ERC2: variants seen among roughly 807,000 people sequenced by gnomAD.
ERC2 encodes ERC protein 2.
Under a neutral mutation model 114.8 loss-of-function variants are expected in ERC2, and 42 were observed. The observed-to-expected ratio is 0.37, with a 90% CI of 0.29 to 0.47. The LOEUF (loss-of-function observed/expected upper bound fraction) is 0.47. ERC2 is among the 20% of genes least tolerant of loss of function. The pLI is 0.99. For synonymous variants in ERC2, 454 were observed against 425.5 expected, an observed-to-expected ratio of 1.07 and a Z score of -0.82; for missense variants, 939 against 1,150.7, an observed-to-expected ratio of 0.82 and a Z score of 2.66.
At chr3:55,819,263 T>A (rs2060023910) in intron 14 of ERC2, among the ~76,000 whole-genome samples, 1 of 152,208 alleles carries the variant, frequency 6.6e-6, no homozygotes, top group South Asian at 2.1e-4. Flanking sequence ...TCCCTTGACA[T>A]GGCAAAACCT....
chr3:55,594,534 T>G (rs1481515781), intron 17 of ERC2, among the ~76,000 whole-genome samples: 1 of 151,980 alleles, frequency 6.6e-6, no homozygotes, highest in East Asian at 1.9e-4. Flanking sequence ...CAGGATGGAG[T>G]ATAGTGGCGC....
intron 13 of ERC2, among the ~76,000 whole-genome samples, chr3:55,932,998 C>A (rs1484046238): frequency 6.6e-6 from 1 of 152,130 alleles, no homozygotes; most frequent in African/African-American, 2.4e-5. Context: ...CACTTGAGGT[C>A]AGGAGTTTGA....
chr3:56,461,266 TG>T (rs1311636812), intron 1 of ERC2, among the ~76,000 whole-genome samples: 1 of 152,120 alleles, frequency 6.6e-6, no homozygotes, highest in Non-Finnish European at 1.5e-5. Context: ...TCAAAGATGG[TG>T]TATCAGTAAA....
At chr3:55,747,678 C>T (rs935114899) in intron 14 of ERC2, among the ~76,000 whole-genome samples, 8 of 152,226 alleles carry the variant, frequency 5.3e-5, no homozygotes, top group African/African-American at 1.9e-4. Context: ...AAAGCAAATA[C>T]ATGTGGCCAT....
intron 2 of ERC2, among the ~76,000 whole-genome samples, chr3:56,338,706 A>AGGATACAGT (rs1376282461): frequency 6.6e-6 from 1 of 152,238 alleles, no homozygotes; most frequent in Non-Finnish European, 1.5e-5. Flanking sequence ...ACAAAGTGCC[A>AGGATACAGT]GGATACAGTG....
intron 13 of ERC2, among the ~76,000 whole-genome samples, chr3:55,910,208 G>C (rs2064717287): frequency 6.6e-6 from 1 of 152,010 alleles, no homozygotes; most frequent in African/African-American, 2.4e-5. Flanking sequence ...TGGCCAACAT[G>C]TTGAAACCTG....
intron 17 of ERC2, among the ~76,000 whole-genome samples, chr3:55,675,899 C>CTTTTTTTTTT (rs2061771739): frequency 1.7e-5 from 1 of 58,120 alleles, no homozygotes; most frequent in Non-Finnish European, 3.2e-5. Flanking sequence ...TTTCTCTTTT[C>CTTTTTTTTTT]TTTCTTTTTT....
At chr3:56,412,074 C>T (rs920410094) in intron 2 of ERC2, among the ~76,000 whole-genome samples, 3 of 152,138 alleles carry the variant, frequency 2.0e-5, no homozygotes, top group Admixed American at 2.0e-4. Context: ...TTAGGACAAG[C>T]CCTAAGTCCA....
At chr3:56,005,044 ATTTTAAAC>A (rs1386742133) in intron 10 of ERC2, among the ~76,000 whole-genome samples, 1 of 152,028 alleles carries the variant, frequency 6.6e-6, no homozygotes, top group Non-Finnish European at 1.5e-5. Context: ...CTGAAAAAAT[ATTTTAAAC>A]TTTTGAATTT....
At chr3:55,898,195 C>A (rs2063933723) in intron 13 of ERC2, among the ~76,000 whole-genome samples, 1 of 152,132 alleles carries the variant, frequency 6.6e-6, no homozygotes, top group African/African-American at 2.4e-5. Flanking sequence ...CTCCAAAATG[C>A]CCTTGAGCAC....
chr3:56,138,270 C>T (rs1249870680), intron 6 of ERC2, among the ~76,000 whole-genome samples: 1 of 152,112 alleles, frequency 6.6e-6, no homozygotes, highest in Non-Finnish European at 1.5e-5. Context: ...CCGTGTTTGC[C>T]AGGATGGTCT....
rs545997529 is a variant in ERC2 at position 56,006,941 on chromosome 3, GCTA to G, written c.2061+237_2061+239del. Among the ~76,000 whole-genome samples, 69 of 152,056 alleles carry G rather than the reference GCTA, an allele frequency of 4.5e-4. 1 individual carries two copies. The South Asian group carries it at 0.014, about 31-fold the overall frequency. ...GGTTTTTATAATATTTTTAACTTCT[GCTA>G]CTATTTTGATCTATTTTTCAAGTTT... On this transcript the variant is annotated intron_variant, in intron 10 of 17. Coordinates refer to ENST00000288221, the MANE Select transcript of ERC2 (RefSeq NM_015576.3).
At chr3:55,953,943 A>G (rs975067318) in intron 12 of ERC2, among the ~76,000 whole-genome samples, 1 of 152,088 alleles carries the variant, frequency 6.6e-6, no homozygotes, top group African/African-American at 2.4e-5. Flanking sequence ...AAATGTCTCC[A>G]CAATCTAGAA....
At chr3:56,409,964 G>A (rs578016078) in intron 2 of ERC2, among the ~76,000 whole-genome samples, 22 of 152,228 alleles carry the variant, frequency 1.4e-4, no homozygotes, top group Non-Finnish European at 3.1e-4. Context: ...TCTCTAAGAA[G>A]TTGGCTTACC....
At chr3:55,556,653 G>A (rs2055631267) in intron 17 of ERC2, among the ~76,000 whole-genome samples, 1 of 152,222 alleles carries the variant, frequency 6.6e-6, no homozygotes, top group South Asian at 2.1e-4. Flanking sequence ...GCAGCCATTT[G>A]CTACCAACAG....
At chr3:55,920,377 T>C (rs1193599355) in intron 13 of ERC2, among the ~76,000 whole-genome samples, 3 of 150,996 alleles carry the variant, frequency 2.0e-5, no homozygotes, top group Non-Finnish European at 4.4e-5. Context: ...GTTGTTTAAA[T>C]GAGAAGATCT....
At chr3:55,776,011 T>A (rs768881036) in intron 14 of ERC2, among the ~76,000 whole-genome samples, 2 of 152,156 alleles carry the variant, frequency 1.3e-5, no homozygotes, top group Non-Finnish European at 2.9e-5. Flanking sequence ...CACAGACCAG[T>A]CTCACTGAGC....
chr3:55,649,604 G>A (rs371174675), intron 17 of ERC2, among the ~76,000 whole-genome samples: 2 of 152,186 alleles, frequency 1.3e-5, no homozygotes, highest in South Asian at 2.1e-4. Context: ...CAATGTATGC[G>A]TTTTATACAT....
At chr3:55,818,033 A>G (rs2059972594) in intron 14 of ERC2, among the ~76,000 whole-genome samples, 1 of 152,142 alleles carries the variant, frequency 6.6e-6, no homozygotes, top group Non-Finnish European at 1.5e-5. Context: ...CTCTTTCACG[A>G]GGCACCTCAC....
Sources: allele counts gnomAD v4.1 joint callset (sites outside exome capture counted in the v4.1 genomes callset), GRCh38; gene constraint gnomAD v4.1.1; transcripts MANE v1.5; gene names NCBI Gene and HGNC (gene_info 2026-07-23, HGNC 2026-07-21).